The following SLC24A2 variants were observed in gnomAD, a reference collection of about 807,000 sequenced individuals.
The protein encoded by SLC24A2 is sodium/potassium/calcium exchanger 2.
In SLC24A2, 36 loss-of-function variants were observed where a neutral mutation model predicts 62.0. The observed-to-expected ratio is 0.58, with a 90% CI of 0.44 to 0.77. SLC24A2 has a LOEUF of 0.77. Among genes scored for constraint, SLC24A2 ranks in the 30% least tolerant of loss-of-function variants. The probability of loss-of-function intolerance (pLI) is 0.00; values close to 1 mark genes in which losing one functional copy is unlikely to be tolerated. For synonymous variants in SLC24A2, 358 were observed against 294.0 expected (o/e 1.22, Z -2.23); for missense variants, 846 against 817.9 (o/e 1.03, Z -0.42).
chr9:20,254,283 G>A, the SLC24A2 span, among the ~76,000 whole-genome samples: 92 of 152,268 alleles, frequency 6.0e-4, 1 homozygote, highest in East Asian at 0.017. Flanking sequence ...GGGAGGGTGA[G>A]ACTCCACTTG....
rs565437598 is a variant in SLC24A2 at position 19,665,368 on chromosome 9, G to A, written c.931-43069C>T. ...CTGCTAGCACTTCAGATGTGGGGGC[G>A]AGGGTGAGGGGCTGGCAGCTGGGAT... is the stretch of plus-strand genomic sequence containing the variant. On this transcript the variant is annotated intron_variant, in intron 2 of 10. Coordinates refer to ENST00000341998, the MANE Select transcript of SLC24A2 (RefSeq NM_020344.4). Among the ~76,000 whole-genome samples the A allele has an allele frequency of 1.4e-3, 206 of 152,240 alleles. 1 individual carries two copies. Among genetic ancestry groups the A allele is most frequent in the African/African-American group, 4.7e-3 (197 of 41,542 alleles).
At chr9:20,026,833 T>C in the SLC24A2 span, among the ~76,000 whole-genome samples, 1 of 152,100 alleles carries the variant, frequency 6.6e-6, no homozygotes, top group East Asian at 1.9e-4. Flanking sequence ...AATGGGATTA[T>C]GTCAACCTAA....
the SLC24A2 span, among the ~76,000 whole-genome samples, chr9:19,845,010 T>A: frequency 5.9e-5 from 9 of 152,002 alleles, no homozygotes; most frequent in Non-Finnish European, 1.3e-4. Flanking sequence ...CTTTTTTGGT[T>A]CCATATAAAT....
chr9:19,826,774 G>A, the SLC24A2 span, among the ~76,000 whole-genome samples: 1 of 152,092 alleles, frequency 6.6e-6, no homozygotes, highest in African/African-American at 2.4e-5. Context: ...GTTGCATTAG[G>A]GATTTAGTTT....
the SLC24A2 span, among the ~76,000 whole-genome samples, chr9:19,890,766 C>T: frequency 3.3e-5 from 5 of 152,290 alleles, no homozygotes; most frequent in South Asian, 8.3e-4. Flanking sequence ...CCGCCTCAGC[C>T]TCCCAAGTAG....
intron 5 of SLC24A2, among the ~76,000 whole-genome samples, chr9:19,589,840 G>C (rs920449548): frequency 5.9e-5 from 9 of 152,080 alleles, no homozygotes; most frequent in Non-Finnish European, 1.2e-4. Context: ...CATTACACTT[G>C]ATACAGAATC....
chr9:19,627,260 A>G (rs1818057398), intron 2 of SLC24A2, among the ~76,000 whole-genome samples: 1 of 152,210 alleles, frequency 6.6e-6, no homozygotes, highest in Non-Finnish European at 1.5e-5. Context: ...GAAAGCTCAC[A>G]TTTTGGAAGC....
At chr9:20,238,723 GTCAA>G in the SLC24A2 span, among the ~76,000 whole-genome samples, 1 of 152,158 alleles carries the variant, frequency 6.6e-6, no homozygotes, top group East Asian at 1.9e-4. Flanking sequence ...TACATCTGTT[GTCAA>G]TCAAATGTTT....
the SLC24A2 span, among the ~76,000 whole-genome samples, chr9:20,086,192 CA>C: frequency 6.6e-6 from 1 of 152,130 alleles, no homozygotes; most frequent in Admixed American, 6.5e-5. Flanking sequence ...CCAGCAACAC[CA>C]AGGACCCAGA....
At chr9:20,048,737 T>C in the SLC24A2 span, among the ~76,000 whole-genome samples, 2 of 151,922 alleles carry the variant, frequency 1.3e-5, no homozygotes, top group African/African-American at 2.4e-5. Flanking sequence ...GTAATTCCTT[T>C]TAGTACATTA....
the SLC24A2 span, among the ~76,000 whole-genome samples, chr9:20,182,331 C>T: frequency 6.6e-6 from 1 of 152,198 alleles, no homozygotes; most frequent in African/African-American, 2.4e-5. Context: ...AAGACACATG[C>T]ACACCTATGT....
intron 7 of SLC24A2, among the ~76,000 whole-genome samples, chr9:19,555,788 T>C (rs1007198206): frequency 4.6e-5 from 7 of 151,942 alleles, no homozygotes; most frequent in Admixed American, 2.0e-4. Flanking sequence ...CTACTAAAAA[T>C]ACAAAAATTA....
At chr9:20,105,910 C>T in the SLC24A2 span, among the ~76,000 whole-genome samples, 1 of 152,100 alleles carries the variant, frequency 6.6e-6, no homozygotes, top group Non-Finnish European at 1.5e-5. Flanking sequence ...AATCCAGGAG[C>T]TGGTTTTTTG....
chr9:20,208,038 G>C, the SLC24A2 span, among the ~76,000 whole-genome samples: 2 of 152,126 alleles, frequency 1.3e-5, no homozygotes, highest in Non-Finnish European at 2.9e-5. Flanking sequence ...AAAGGAGACA[G>C]GCATTAAACA....
chr9:19,518,985 T>G (rs1312314793), intron 10 of SLC24A2, among the ~76,000 whole-genome samples: 1 of 152,076 alleles, frequency 6.6e-6, no homozygotes. Context: ...TAACAAATAA[T>G]TAAAAGAGGA....
the SLC24A2 span, among the ~76,000 whole-genome samples, chr9:20,094,098 C>A: frequency 1.3e-5 from 2 of 152,068 alleles, no homozygotes; most frequent in East Asian, 1.9e-4. Flanking sequence ...GACTGATAGT[C>A]CGAAGCAATG....
the SLC24A2 span, among the ~76,000 whole-genome samples, chr9:20,208,364 C>T: frequency 1.3e-5 from 2 of 152,206 alleles, no homozygotes; most frequent in Non-Finnish European, 2.9e-5. Flanking sequence ...AAGGCTGAAG[C>T]AGCCCAGAGC....
chr9:20,280,114 G>T, the SLC24A2 span, among the ~76,000 whole-genome samples: 2 of 152,194 alleles, frequency 1.3e-5, no homozygotes, highest in Admixed American at 6.5e-5. Context: ...GTCTGAGATG[G>T]GGATTCTTGA....
chr9:19,564,837 T>C (rs1835583815), intron 7 of SLC24A2, among the ~76,000 whole-genome samples: 1 of 152,188 alleles, frequency 6.6e-6, no homozygotes. Flanking sequence ...CGTATTTAAA[T>C]GGTTTTGATG....
Sources: gnomAD v4.1 joint callset for allele counts (sites outside exome capture counted in the v4.1 genomes callset) on GRCh38, gnomAD v4.1.1 for gene constraint, MANE v1.5 for transcripts, NCBI Gene and HGNC (gene_info 2026-07-23, HGNC 2026-07-21) for gene names.